The following DNMT1 variants were observed in gnomAD, a reference collection of about 807,000 sequenced individuals.
DNMT1 encodes DNA (cytosine-5)-methyltransferase 1.
In DNMT1, 24 loss-of-function variants were observed where a neutral mutation model predicts 205.3. That is an observed-to-expected ratio of 0.12 (90% CI 0.08 to 0.16). The LOEUF (loss-of-function observed/expected upper bound fraction) is 0.16. DNMT1 is among the 10% of genes least tolerant of loss of function. The probability of loss-of-function intolerance (pLI) is 1.00; values close to 1 mark genes in which losing one functional copy is unlikely to be tolerated. For synonymous variants in DNMT1, 817 were observed against 839.8 expected (o/e 0.97, Z 0.47); for missense variants, 1,293 against 2,177.7 (o/e 0.59, Z 8.09).
At chr19:10,182,501 GTGTA>G (rs2039085258) in intron 1 of DNMT1, among the ~76,000 whole-genome samples, 9 of 71,916 alleles carry the variant, frequency 1.3e-4, no homozygotes, top group East Asian at 4.1e-4. Context: ...ATATATATGT[GTGTA>G]TATATATACA....
At chr19:10,153,568 C>T (rs557878960) in intron 22 of DNMT1, among the ~76,000 whole-genome samples, 34 of 150,134 alleles carry the variant, frequency 2.3e-4, no homozygotes, top group Non-Finnish European at 4.0e-4. Context: ...ACCCGGGAGG[C>T]GGAGGTTACG....
At chr19:10,168,477 G>A (rs1370108465) in intron 9 of DNMT1, 113 bp from the exon 10 acceptor site, 1 of 1,108,064 alleles carries the variant, frequency 9.0e-7, no homozygotes, top group African/African-American at 1.6e-5. Context: ...CCACTGGTGG[G>A]AGTAAAGACT....
intron 38 of DNMT1, 55 bp from the exon 39 acceptor site, chr19:10,135,907 T>TCGGGGACAGGGAGGGAAATGGCA: frequency 6.5e-7 from 1 of 1,528,576 alleles, no homozygotes; most frequent in Non-Finnish European, 8.8e-7. Flanking sequence ...CGGGTCACCG[T>TCGGGGACAGGGAGGGAAATGGCA]CGGGGACAGG....
In DNMT1 at chr19:10,140,222, C is replaced by T. The variant is rs768760115; in HGVS notation, c.3630G>A (p.Leu1210=). The T allele has an allele frequency of 5.6e-6, 9 of 1,614,082 alleles. No individual in the cohort carries two copies. The South Asian group carries it at 8.8e-5, about 16-fold the overall frequency. The change falls in exon 33 of 41, where the codon CTG becomes CTA. Residue 1210 remains leucine, a synonymous_variant. Coordinates refer to ENST00000359526, the MANE Select transcript of DNMT1 (RefSeq NM_001130823.3). This position sits in a 1 kb window ranked among gnomAD's most constrained non-coding sequence, Gnocchi z 8.4. The stretch of plus-strand genomic sequence containing the variant: ...TCTCCCCAGCCATGACCAGCTTCAG[C>T]AGGATGTTGCAGTCCTCTGTGAACA... ...STVFTEDCNI[L]LKLVMAGETT...
rs1459010920 is a variant in DNMT1, at chr19:10,154,935, C to T, written c.1614G>A (p.Ser538=). 34 of 1,614,036 alleles carry T rather than the reference C, an allele frequency of 2.1e-5. No homozygotes were observed. Among genetic ancestry groups the T allele is most frequent in the African/African-American group, 2.7e-5 (2 of 74,900 alleles). The change falls in exon 20 of 41, where the codon TCG becomes TCA. Residue 538 remains serine, a synonymous_variant. Transcript: ENST00000359526. The surrounding 1 kb of genome is among the most constrained non-coding windows in gnomAD (Gnocchi z 6.3). ...VVEFLQSNSD[S]TYEDLINKIE... ...TCTTGTTGATCAGGTCCTCATAGGTCGAGTCGGAATTGCTCTGCAGGAACT... is the reference window on the plus strand; with the variant it reads ...TCTTGTTGATCAGGTCCTCATAGGTTGAGTCGGAATTGCTCTGCAGGAACT...
intron 37 of DNMT1, among the ~76,000 whole-genome samples, 191 bp downstream of exon 37, chr19:10,136,894 T>C (rs550259059): frequency 6.6e-6 from 1 of 152,254 alleles, no homozygotes; most frequent in African/African-American, 2.4e-5. Context: ...CCCAAAGTGC[T>C]GGGATTATAG....
chr19:10,140,997 G>A lies in DNMT1; in HGVS notation c.3395-88C>T, dbSNP rs1341261140. ...GCGCCTTGTTAACTCAGGCGGCCTC[G>A]CTGTCCCAGAGTCAGTAACACCAGA... On this transcript the variant is annotated intron_variant, in intron 31 of 40. Coordinates refer to ENST00000359526, the MANE Select transcript of DNMT1 (RefSeq NM_001130823.3). This position sits in a 1 kb window ranked among gnomAD's most constrained non-coding sequence, Gnocchi z 8.4. 9.9e-6 allele frequency: 16 copies of A among 1,613,206 alleles called. No individual in the cohort carries two copies. The highest frequency in any genetic ancestry group is 1.7e-4 in the Middle Eastern group (1 of 6,048).
In DNMT1 at chr19:10,153,974, G is replaced by C. The variant is rs78616004; in HGVS notation, c.2019+319C>G. 5.8e-3 allele frequency among the ~76,000 whole-genome samples: 889 copies of C among 152,344 alleles called. 18 individuals are homozygous for C. Among genetic ancestry groups the C allele is most frequent in the East Asian group, 0.034 (178 of 5,186 alleles). ...CTGGACAAAGTGCCCACTTAGATGT[G>C]AATACCCCTTTAGCAGTCCAACAGG... On this transcript the variant is annotated intron_variant, in intron 22 of 40. Transcript: ENST00000359526.
Position 10,158,213 on chromosome 19 carries a change from A to G in DNMT1, c.1280+1445T>C, listed in dbSNP as rs958212258. ...AGTGAGGCCCTCGGGCATGGTTGCC[A>G]GCTCTGCCCACCACAGCACACCTCA... On this transcript the variant is annotated intron_variant, in intron 17 of 40. Coordinates refer to ENST00000359526, the MANE Select transcript of DNMT1 (RefSeq NM_001130823.3). 1.2e-4 allele frequency among the ~76,000 whole-genome samples: 19 copies of G among 152,314 alleles called. No homozygotes were observed. In the Middle Eastern group the frequency reaches 0.014, roughly 109 times the overall value.
intron 1 of DNMT1, among the ~76,000 whole-genome samples, chr19:10,185,673 G>T (rs893195000): frequency 4.6e-5 from 7 of 151,592 alleles, no homozygotes; most frequent in African/African-American, 1.7e-4. Context: ...CAAAAAAAAT[G>T]TAAAAATTAG....
At chr19:10,193,680 A>G (rs2039345694) in intron 1 of DNMT1, among the ~76,000 whole-genome samples, 1 of 151,604 alleles carries the variant, frequency 6.6e-6, no homozygotes, top group African/African-American at 2.4e-5. Context: ...AAAAAAAAAA[A>G]AAGAAAAGAA....
At chr19:10,190,881 G>A (rs1250249012) in intron 1 of DNMT1, among the ~76,000 whole-genome samples, 1 of 152,132 alleles carries the variant, frequency 6.6e-6, no homozygotes, top group Non-Finnish European at 1.5e-5. Context: ...GGGAGGCTAA[G>A]ATAAGTGGAT....
chr19:10,137,280 C>T lies in DNMT1; in HGVS notation c.4294G>A (p.Asp1432Asn), dbSNP rs1375081003. Residue 1432 changes from aspartate to asparagine, a missense_variant and splice_region_variant, in exon 37 of 41, where the codon GAC (aspartate) becomes AAC (asparagine). This residue lies in a region of DNMT1 where 148 missense variants were observed against 256.1 expected (regional missense o/e 0.58). Coordinates refer to ENST00000359526, the MANE Select transcript of DNMT1 (RefSeq NM_001130823.3). This position sits in a 1 kb window ranked among gnomAD's most constrained non-coding sequence, Gnocchi z 6.4. ...QPILRDHICK[D>N]MSALVAARMR... is the part of the protein sequence containing the mutation. Reference sequence around the variant, plus strand: ...CGGGCAGCCACCAATGCACTCATGTCCTGAAAGAGTGTGGGGGGCCCAGCT... The same window carrying T: ...CGGGCAGCCACCAATGCACTCATGTTCTGAAAGAGTGTGGGGGGCCCAGCT... 1 of 1,605,238 alleles carries T rather than the reference C, an allele frequency of 6.2e-7. No homozygotes were observed. Among genetic ancestry groups the T allele is most frequent in the Non-Finnish European group, 8.5e-7 (1 of 1,177,438 alleles).
intron 1 of DNMT1, among the ~76,000 whole-genome samples, chr19:10,193,003 C>A (rs759665755): frequency 6.6e-6 from 1 of 151,946 alleles, no homozygotes; most frequent in Non-Finnish European, 1.5e-5. Flanking sequence ...GCCGAGATCA[C>A]GCCACCGCAT....
chr19:10,151,897 T>C lies in DNMT1; in HGVS notation c.2020-50A>G, dbSNP rs2038350084. On this transcript the variant is annotated intron_variant, in intron 22 of 40. Coordinates refer to ENST00000359526, the MANE Select transcript of DNMT1 (RefSeq NM_001130823.3). The surrounding 1 kb of genome is among the most constrained non-coding windows in gnomAD (Gnocchi z 5.0). ...AATCAGGGCTGGGCACAGTGGTTCA[T>C]GCCTGTAATCCCAGTATTTCAGAAG... 2 of 1,560,864 alleles carry C rather than the reference T, an allele frequency of 1.3e-6. No homozygotes were observed. The highest frequency in any genetic ancestry group is 1.7e-5 in the Admixed American group (1 of 59,874).
chr19:10,182,371 GTGTATATATATACATATATA>G (rs1287516821), intron 1 of DNMT1, among the ~76,000 whole-genome samples: 36 of 145,006 alleles, frequency 2.5e-4, no homozygotes, highest in African/African-American at 8.3e-4. Flanking sequence ...GTGTGTGTGT[GTGTATATATATACATATATA>G]TGTGTATATA....
Position 10,160,065 on chromosome 19 carries a change from TG to T in DNMT1, c.1044-3del, listed in dbSNP as rs780538171. On this transcript the variant is annotated splice_region_variant and splice_polypyrimidine_tract_variant and intron_variant, in intron 14 of 40. Coordinates refer to ENST00000359526, the MANE Select transcript of DNMT1 (RefSeq NM_001130823.3). Reference sequence around the variant, plus strand: ...GCGCGAGCCATTTTTTTCTCCGTTCTGGGGGAAAAAAAAAAATCACAAGATC... The same window carrying T: ...GCGCGAGCCATTTTTTTCTCCGTTCTGGGGAAAAAAAAAAATCACAAGATC... The T allele has an allele frequency of 2.0e-6, 3 of 1,516,122 alleles. No individual in the cohort carries two copies. The highest frequency in any genetic ancestry group is 1.7e-4 in the Middle Eastern group (1 of 5,846). 93.9% of individuals were successfully genotyped at this position (1,516,122 alleles called of 1,614,324 possible).
intron 28 of DNMT1, among the ~76,000 whole-genome samples, chr19:10,144,977 G>C (rs2038167648): frequency 6.6e-6 from 1 of 152,194 alleles, no homozygotes; most frequent in Admixed American, 6.5e-5. Flanking sequence ...CTCCTGACAG[G>C]CATGAGCCAC....
chr19:10,138,795 A>G lies in DNMT1; in HGVS notation c.3949-190T>C, dbSNP rs2089545141. ...GGAGTTTGGAGCAGATAAAGAACAA[A>G]AGCAGCTGAGCCCAGGGGACAGCCA... is the stretch of plus-strand genomic sequence containing the variant. On this transcript the variant is annotated intron_variant, in intron 34 of 40. Transcript: ENST00000359526. The surrounding 1 kb of genome is among the most constrained non-coding windows in gnomAD (Gnocchi z 4.1). Among the ~76,000 whole-genome samples the G allele has an allele frequency of 6.6e-6, 1 of 152,174 alleles. No individual in the cohort carries two copies. The highest frequency in any genetic ancestry group is 1.5e-5 in the Non-Finnish European group (1 of 68,022).
Sources: allele counts gnomAD v4.1 joint callset (sites outside exome capture counted in the v4.1 genomes callset), GRCh38; gene constraint gnomAD v4.1.1; regional missense constraint gnomAD v4.1.1; non-coding constraint Gnocchi (gnomAD v3.1); transcripts MANE v1.5; gene names NCBI Gene and HGNC (gene_info 2026-07-23, HGNC 2026-07-21).